The following DLGAP2 variants were observed in gnomAD, a reference collection of about 807,000 sequenced individuals.
The protein encoded by DLGAP2 is disks large-associated protein 2.
DLGAP2 carries 26 observed loss-of-function variants against 100.3 expected under a neutral mutation model. The ratio of observed to expected loss-of-function variants is 0.26; its 90% CI spans 0.19 to 0.36. The LOEUF is 0.36. DLGAP2 is among the 10% of genes least tolerant of loss of function. The pLI is 1.00. For synonymous variants in DLGAP2, 886 were observed against 630.1 expected, an observed-to-expected ratio of 1.41 and a Z score of -6.08; for missense variants, 1,858 against 1,453.2, an observed-to-expected ratio of 1.28 and a Z score of -4.53.
chr8:1,617,693 C>T (rs936830651), intron 6 of DLGAP2, among the ~76,000 whole-genome samples: 3 of 152,168 alleles, frequency 2.0e-5, no homozygotes, highest in Admixed American at 1.3e-4. Flanking sequence ...GTTTCTTTTG[C>T]TGTGCAGAAG....
chr8:1,449,636 G>T (rs932609912), intron 3 of DLGAP2, among the ~76,000 whole-genome samples: 9 of 152,206 alleles, frequency 5.9e-5, no homozygotes, highest in Non-Finnish European at 1.0e-4. Flanking sequence ...CTGAGGCTGA[G>T]GGTCCCTGGG....
intron 2 of DLGAP2, among the ~76,000 whole-genome samples, chr8:1,165,533 A>G (rs1389605255): frequency 6.6e-5 from 10 of 152,200 alleles, no homozygotes; most frequent in Admixed American, 5.2e-4. Context: ...TTTGCATGGC[A>G]TGTGTTGCCA....
chr8:1,129,723 T>C (rs565128567), intron 2 of DLGAP2, among the ~76,000 whole-genome samples: 11 of 152,296 alleles, frequency 7.2e-5, no homozygotes, highest in African/African-American at 2.6e-4. Context: ...TCCCACGTTG[T>C]ACCTTTTCAC....
At chr8:893,699 C>G (rs1798082626) in intron 1 of DLGAP2, among the ~76,000 whole-genome samples, 1 of 152,218 alleles carries the variant, frequency 6.6e-6, no homozygotes, top group Non-Finnish European at 1.5e-5. Context: ...GCCTGCAGGT[C>G]TATCCAGGAC....
chr8:1,286,020 A>G (rs556339886), intron 3 of DLGAP2, among the ~76,000 whole-genome samples: 2 of 152,208 alleles, frequency 1.3e-5, no homozygotes, highest in African/African-American at 4.8e-5. Context: ...TAATTCACCA[A>G]CTGATATGGT....
At chr8:1,198,049 T>G (rs1035925093) in intron 2 of DLGAP2, among the ~76,000 whole-genome samples, 8 of 152,128 alleles carry the variant, frequency 5.3e-5, no homozygotes, top group Non-Finnish European at 8.8e-5. Flanking sequence ...TGGCCGTGGA[T>G]GAGGAACAGA....
At chr8:1,429,424 T>C (rs1797343695) in intron 3 of DLGAP2, among the ~76,000 whole-genome samples, 1 of 152,114 alleles carries the variant, frequency 6.6e-6, no homozygotes, top group African/African-American at 2.4e-5. Context: ...GGGTCCAGGA[T>C]TGTGTCTTGT....
At chr8:1,578,128 A>G (rs1180762144) in intron 6 of DLGAP2, among the ~76,000 whole-genome samples, 4 of 152,214 alleles carry the variant, frequency 2.6e-5, no homozygotes, top group Admixed American at 6.5e-5. Context: ...TTTTTGCACA[A>G]AAGAGCTTCC....
chr8:1,143,665 C>T (rs1186661738), intron 2 of DLGAP2, among the ~76,000 whole-genome samples: 2 of 152,172 alleles, frequency 1.3e-5, no homozygotes, highest in African/African-American at 4.8e-5. Context: ...CCCTCACCCA[C>T]GCTCCCCACT....
chr8:1,295,139 C>T (rs563419553), intron 3 of DLGAP2, among the ~76,000 whole-genome samples: 2 of 152,236 alleles, frequency 1.3e-5, no homozygotes, highest in Admixed American at 6.5e-5. Flanking sequence ...TTCTCAAACT[C>T]GTCTCCTTGG....
At chr8:1,150,103 C>T (rs779302920) in intron 2 of DLGAP2, among the ~76,000 whole-genome samples, 29 of 152,088 alleles carry the variant, frequency 1.9e-4, no homozygotes, top group African/African-American at 6.5e-4. Context: ...CTTGTTTTTT[C>T]TGGGGTTGTT....
At chr8:1,409,765 C>T (rs1368318807) in intron 3 of DLGAP2, among the ~76,000 whole-genome samples, 2 of 152,164 alleles carry the variant, frequency 1.3e-5, no homozygotes, top group African/African-American at 2.4e-5. Context: ...GGGAGGACCT[C>T]CTCTCTTCTT....
Position 1,632,992 on chromosome 8 carries a change from T to A in DLGAP2, c.1756T>A (p.Cys586Ser), listed in dbSNP as rs753092749. 1.2e-6 allele frequency: 2 copies of A among 1,613,968 alleles called. No individual in the cohort carries two copies. The highest frequency in any genetic ancestry group is 1.7e-6 in the Non-Finnish European group (2 of 1,179,890). The stretch of plus-strand genomic sequence containing the variant: ...AGCCGGCTACTCCCAAGATGACGAA[T>A]GTATTCCCATGATGACACCCTCTGA... ...IQAGYSQDDE[C>S]IPMMTPSDIT... Residue 586 changes from cysteine to serine, a missense_variant, in exon 8 of 15, where the codon TGT becomes AGT. Physicochemically the swap from Cys to Ser is moderately radical, Grantham distance 112 (BLOSUM62 -1). Coordinates refer to ENST00000637795, the MANE Select transcript of DLGAP2 (RefSeq NM_001346810.2).
intron 1 of DLGAP2, among the ~76,000 whole-genome samples, chr8:884,693 G>A (rs975761438): frequency 6.6e-6 from 1 of 151,620 alleles, no homozygotes; most frequent in Non-Finnish European, 1.5e-5. Flanking sequence ...ATTTTTCAAT[G>A]AAGTCTTTGC....
At chr8:1,139,980 G>C (rs1796493503) in intron 2 of DLGAP2, among the ~76,000 whole-genome samples, 1 of 152,326 alleles carries the variant, frequency 6.6e-6, no homozygotes, top group East Asian at 1.9e-4. Context: ...GCCTGAGCCA[G>C]CCTTGCTGCC....
intron 3 of DLGAP2, among the ~76,000 whole-genome samples, chr8:1,475,652 C>A (rs1008183756): frequency 6.6e-6 from 1 of 152,122 alleles, no homozygotes; most frequent in African/African-American, 2.4e-5. Context: ...CATCCCGGGA[C>A]CCACCGCAAG....
chr8:1,337,416 G>GA (rs1801308029), intron 3 of DLGAP2, among the ~76,000 whole-genome samples: 1 of 143,646 alleles, frequency 7.0e-6, no homozygotes, highest in African/African-American at 2.8e-5. Flanking sequence ...TGGTGATGGT[G>GA]AGGATGATGG....
At chr8:1,501,017 T>C (rs2286216) in intron 3 of DLGAP2, among the ~76,000 whole-genome samples, 109,205 of 151,952 alleles carry the variant, frequency 0.72, 39,517 homozygotes, top group Admixed American at 0.79. Context: ...CGGGGAAAAT[T>C]AGAGTGGACT....
chr8:1,105,033 T>C (rs1462767247), intron 2 of DLGAP2: 1 of 152,164 alleles, frequency 6.6e-6, no homozygotes. Flanking sequence ...CACCTGATGG[T>C]CCACCTGGGA....
Sources: allele counts gnomAD v4.1 joint callset (sites outside exome capture counted in the v4.1 genomes callset), GRCh38; gene constraint gnomAD v4.1.1; transcripts MANE v1.5; gene names NCBI Gene and HGNC (gene_info 2026-07-23, HGNC 2026-07-21).